The following DAB1 variants were observed in gnomAD, a reference collection of about 807,000 sequenced individuals.
DAB1 encodes the protein disabled homolog 1.
A neutral mutation model predicts 64.6 loss-of-function variants in DAB1; 15 were observed. That is an observed-to-expected ratio of 0.23 (90% CI 0.16 to 0.36). DAB1 has a LOEUF of 0.36. Among genes scored for constraint, DAB1 ranks in the 10% least tolerant of loss-of-function variants. The pLI, the probability that DAB1 is intolerant of heterozygous loss-of-function variation, is 1.00. For missense variants in DAB1, 596 were observed against 706.7 expected (o/e 0.84, Z 1.78); for synonymous variants, 235 against 251.9 (o/e 0.93, Z 0.64).
intron 7 of DAB1, among the ~76,000 whole-genome samples, chr1:57,553,382 AAGAG>A (rs60491103): frequency 1.0e-5 from 1 of 95,782 alleles, no homozygotes; most frequent in African/African-American, 5.2e-5. Flanking sequence ...GGAAGGAAGA[AAGAG>A]AAAGAAAGAA....
intron 6 of DAB1, among the ~76,000 whole-genome samples, chr1:57,772,290 C>T (rs112619265): frequency 5.3e-5 from 8 of 152,222 alleles, no homozygotes; most frequent in African/African-American, 1.9e-4. Flanking sequence ...TTCCCAGCCT[C>T]CAGAATTGTG....
chr1:57,446,388 G>A (rs886256154), intron 7 of DAB1, among the ~76,000 whole-genome samples: 9 of 151,882 alleles, frequency 5.9e-5, no homozygotes, highest in East Asian at 3.9e-4. Context: ...ACCTGAGGTC[G>A]GGAGTTCGAG....
chr1:58,049,380 G>C (rs1240790542), intron 5 of DAB1: 1 of 535,886 alleles, frequency 1.9e-6, no homozygotes, highest in Non-Finnish European at 3.4e-6. Context: ...ATCTTAACCT[G>C]AACTATTTTT....
At chr1:57,328,290 T>C (rs1228110315) in intron 1 of DAB1, among the ~76,000 whole-genome samples, 1 of 152,148 alleles carries the variant, frequency 6.6e-6, no homozygotes, top group Admixed American at 6.5e-5. Context: ...TGTGCCAGCG[T>C]TGGGATGGCA....
intron 6 of DAB1, among the ~76,000 whole-genome samples, chr1:57,659,008 C>G (rs934924585): frequency 2.0e-5 from 3 of 152,190 alleles, no homozygotes; most frequent in African/African-American, 7.2e-5. Context: ...AGTCCCATCC[C>G]TTTAAGCAAT....
intron 4 of DAB1, among the ~76,000 whole-genome samples, chr1:58,242,451 T>C (rs1396622544): frequency 2.0e-5 from 3 of 152,134 alleles, no homozygotes; most frequent in Non-Finnish European, 2.9e-5. Context: ...TGTATAATTA[T>C]ATCCATACCA....
chr1:57,130,470 G>A lies in DAB1; in HGVS notation c.306+6073C>T, dbSNP rs201845093. ...ATCTATCTGCACTCCCATGTTCACT[G>A]TAGCATTATTCATGATAGCCAAGAA... On this transcript the variant is annotated intron_variant, in intron 4 of 14. Transcript: ENST00000371236. 2.6e-5 allele frequency among the ~76,000 whole-genome samples: 4 copies of A among 152,242 alleles called. No individual in the cohort carries two copies. The East Asian group carries it at 7.7e-4, about 29-fold the overall frequency.
chr1:57,866,996 G>A (rs1654330380), intron 1 of DAB1: 1 of 152,150 alleles, frequency 6.6e-6, no homozygotes, highest in African/African-American at 2.4e-5. Context: ...TTGCCTTTCT[G>A]TTGGATGTCA....
At chr1:57,385,029 T>A (rs550122009) in intron 1 of DAB1, among the ~76,000 whole-genome samples, 1 of 152,282 alleles carries the variant, frequency 6.6e-6, no homozygotes, top group Admixed American at 6.5e-5. Flanking sequence ...AGCAATAGGT[T>A]ATACAGAAAC....
At chr1:58,016,989 T>C (rs927703308) in intron 5 of DAB1, among the ~76,000 whole-genome samples, 5 of 152,168 alleles carry the variant, frequency 3.3e-5, no homozygotes, top group Non-Finnish European at 5.9e-5. Flanking sequence ...TCTCTGTTAT[T>C]CGTAGATAAA....
chr1:57,480,655 T>G (rs1644006014), intron 7 of DAB1, among the ~76,000 whole-genome samples: 1 of 152,048 alleles, frequency 6.6e-6, no homozygotes, highest in African/African-American at 2.4e-5. Flanking sequence ...TGGCTAATTT[T>G]TGTATTTTTA....
chr1:57,999,493 A>C (rs1247439241), intron 5 of DAB1, among the ~76,000 whole-genome samples: 1 of 152,180 alleles, frequency 6.6e-6, no homozygotes, highest in Non-Finnish European at 1.5e-5. Context: ...CATAGCCAGG[A>C]AATAGTGGGG....
chr1:58,061,537 G>A (rs1475909969), intron 5 of DAB1, among the ~76,000 whole-genome samples: 4 of 152,126 alleles, frequency 2.6e-5, no homozygotes, highest in African/African-American at 4.8e-5. Context: ...CCTTTTTACA[G>A]GGACACCACT....
chr1:57,990,592 T>C (rs562420860), intron 5 of DAB1, among the ~76,000 whole-genome samples: 1 of 152,304 alleles, frequency 6.6e-6, no homozygotes, highest in South Asian at 2.1e-4. Flanking sequence ...TTTCGGAGCA[T>C]GACATGCATG....
intron 4 of DAB1, among the ~76,000 whole-genome samples, chr1:58,223,305 C>T (rs779540571): frequency 9.9e-5 from 15 of 152,212 alleles, no homozygotes; most frequent in Non-Finnish European, 1.5e-4. Flanking sequence ...AGAGAAAATT[C>T]TCCTGTCTCT....
intron 9 of DAB1, among the ~76,000 whole-genome samples, chr1:57,027,599 A>T (rs1386859090): frequency 6.6e-6 from 1 of 152,010 alleles, no homozygotes; most frequent in Non-Finnish European, 1.5e-5. Flanking sequence ...AATATCTGCA[A>T]CTCCTCAGAA....
intron 5 of DAB1, among the ~76,000 whole-genome samples, chr1:58,146,160 T>C (rs1161514776): frequency 1.3e-5 from 2 of 152,230 alleles, no homozygotes; most frequent in African/African-American, 2.4e-5. Flanking sequence ...GTAAGGCTTC[T>C]GGTCAACAGT....
chr1:58,374,533 A>G (rs1481774046), intron 3 of DAB1, among the ~76,000 whole-genome samples: 1 of 150,664 alleles, frequency 6.6e-6, no homozygotes, highest in South Asian at 2.1e-4. Flanking sequence ...TGTTCCATTG[A>G]TCTATATCTC....
In DAB1 at chr1:57,970,191, C is replaced by T. The variant is rs60232069; in HGVS notation, n.388-86029G>A. The stretch of plus-strand genomic sequence containing the variant: ...TAATAGCTTATTGTCCATAAGCCAT[C>T]GTGTCTATGGTAGTTTGTTACAGCA... On this transcript the variant is annotated intron_variant and non_coding_transcript_variant, in intron 5 of 20. Transcript: ENST00000485760. 4.9e-3 allele frequency among the ~76,000 whole-genome samples: 747 copies of T among 152,262 alleles called. 6 individuals are homozygous for T. Among genetic ancestry groups the T allele is most frequent in the African/African-American group, 0.017 (691 of 41,566 alleles).
Sources: gnomAD v4.1 joint callset for allele counts (sites outside exome capture counted in the v4.1 genomes callset) on GRCh38, gnomAD v4.1.1 for gene constraint, MANE v1.5 for transcripts, NCBI Gene and HGNC (gene_info 2026-07-23, HGNC 2026-07-21) for gene names.